Variants in MXRA5 observed in about 807,000 individuals in gnomAD.
The protein encoded by MXRA5 is matrix remodeling associated 5.
MXRA5 carries 41 observed loss-of-function variants against 112.5 expected under a neutral mutation model. The ratio of observed to expected loss-of-function variants is 0.36; its 90% CI spans 0.28 to 0.47. The LOEUF (loss-of-function observed/expected upper bound fraction) is 0.47. Ranked by LOEUF, MXRA5 falls within the 20% of genes least tolerant of loss-of-function variation. The pLI is 0.99. For missense variants in MXRA5, 2,150 were observed against 2,251.0 expected (o/e 0.96, Z 0.91); for synonymous variants, 862 against 900.8 (o/e 0.96, Z 0.77).
rs752588180 is a variant in MXRA5 at position 3,308,963 on chromosome X, A to G, written c.*753T>C. On this transcript the variant is annotated 3_prime_UTR_variant, in exon 7 of 7. Coordinates refer to ENST00000217939, the MANE Select transcript of MXRA5 (RefSeq NM_015419.4). The stretch of plus-strand genomic sequence containing the variant: ...TTGGAGAGAAATTTTTTAAAATTAT[A>G]TTTCCATGTCTGCTGTAATGTATCC... 3 of 111,613 alleles carry G rather than the reference A, an allele frequency of 2.7e-5. No homozygotes were observed. Among genetic ancestry groups the G allele is most frequent in the Non-Finnish European group, 5.6e-5 (3 of 53,179 alleles). 9.2% of individuals were successfully genotyped at this position (111,613 alleles called of 1,213,427 possible).
Position 3,310,909 on chromosome X carries a change from A to G in MXRA5, c.7294T>C (p.Trp2432Arg), listed in dbSNP as rs1308680007. 8.3e-7 allele frequency: 1 copy of G among 1,211,190 alleles called. No homozygotes were observed. Among genetic ancestry groups the G allele is most frequent in the Admixed American group, 2.2e-5 (1 of 46,015 alleles). The change falls in exon 7 of 7, where the codon TGG (tryptophan) becomes CGG (arginine). Residue 2432 changes from tryptophan (W) to arginine (R), a missense_variant. Trp to Arg is a moderately radical substitution (Grantham distance 101). This residue lies in a region of MXRA5 where 1,485 missense variants were observed against 1,471.6 expected (regional missense o/e 1.01). Transcript: ENST00000217939. Reference sequence around the variant, plus strand: ...GGTGGCTGGACGTTGACGTGAATCCACACCGTCTTCCTATCCTCTCCCGCG... The same window carrying G: ...GGTGGCTGGACGTTGACGTGAATCCGCACCGTCTTCCTATCCTCTCCCGCG... The part of the protein sequence containing the change: ...NSAGEDRKTV[W>R]IHVNVQPPKI...
intron 6 of MXRA5, 86 bp downstream of exon 6, chrX:3,317,017 G>T: frequency 1.0e-6 from 1 of 955,769 alleles, no homozygotes; most frequent in Non-Finnish European, 1.4e-6. Flanking sequence ...GGAGCAACGT[G>T]TGTGCATATT....
rs752667727 is a variant in MXRA5 at position 3,322,975 on chromosome X, C to G, written c.2710G>C (p.Asp904His). The G allele has an allele frequency of 5.8e-6, 7 of 1,209,135 alleles. No homozygotes were observed. In the East Asian group the frequency reaches 2.1e-4, roughly 36 times the overall value. The change falls in exon 5 of 7, where the codon GAC (aspartate) becomes CAC (histidine). Residue 904 changes from aspartate (D) to histidine (H), a missense_variant. Coordinates refer to ENST00000217939, the MANE Select transcript of MXRA5 (RefSeq NM_015419.4). ...GTAGGGGCTGCTGTCCCCTTCAGGT[C>G]TCCTTCAGTGGAAGTTATCTCCTCA... ...KTEEITSTEG[D>H]LKGTAAPTLI... is the part of the protein sequence containing the mutation.
At chrX:3,331,992 A>G (rs1921674504) in intron 2 of MXRA5, among the ~76,000 whole-genome samples, 1 of 112,155 alleles carries the variant, frequency 8.9e-6, no homozygotes, top group Non-Finnish European at 1.9e-5. Flanking sequence ...AACATAAGTG[A>G]ACAGCTCATA....
At position 3,311,565 on chromosome X, in the gene MXRA5, T is replaced by A. The variant is rs1317304817; in HGVS notation, c.6638A>T (p.Asp2213Val). The A allele has an allele frequency of 8.3e-7, 1 of 1,211,849 alleles. No homozygotes were observed. The highest frequency in any genetic ancestry group is 1.7e-5 in the African/African-American group (1 of 57,935). The change falls in exon 7 of 7, where the codon GAC (aspartate) becomes GTC (valine). Residue 2213 changes from aspartate (D) to valine (V), a missense_variant. This residue lies in a region of MXRA5 where 1,485 missense variants were observed against 1,471.6 expected (regional missense o/e 1.01). Transcript: ENST00000217939. ...NGTLVVKSVT[D>V]KDAGDYLCVA... ...GCACAGGTAATCTCCGGCATCTTTG[T>A]CCGTCACTGATTTCACCACCAGGGT...
chrX:3,337,444 C>T (rs1437192373), intron 2 of MXRA5, among the ~76,000 whole-genome samples: 1 of 111,649 alleles, frequency 9.0e-6, no homozygotes, highest in Admixed American at 9.6e-5. Context: ...TGCCTTAGCA[C>T]GTGCAAATTT....
chrX:3,318,301 C>G (rs1328817621), intron 5 of MXRA5, among the ~76,000 whole-genome samples: 1 of 110,876 alleles, frequency 9.0e-6, no homozygotes, highest in Admixed American at 9.6e-5. Flanking sequence ...GGCCACCACT[C>G]CTGGATAATT....
At position 3,323,978 on chromosome X, in the gene MXRA5, C is replaced by A. The variant is rs754806086; in HGVS notation, c.1707G>T (p.Arg569Ser). 8.3e-7 allele frequency: 1 copy of A among 1,205,240 alleles called. No homozygotes were observed. Among genetic ancestry groups the A allele is most frequent in the Non-Finnish European group, 1.1e-6 (1 of 891,733 alleles). The change falls in exon 5 of 7, where the codon AGG (arginine) becomes AGT (serine). Residue 569 changes from arginine to serine, a missense_variant. Arg to Ser is a moderately radical substitution (Grantham distance 110, BLOSUM62 -1). Around this residue, in one of 6 missense-constraint regions of MXRA5, gnomAD observed 1,485 missense variants for 1,471.6 expected, o/e 1.01. Coordinates refer to ENST00000217939, the MANE Select transcript of MXRA5 (RefSeq NM_015419.4). ...VRDEMDRMVYRVLVQSPSTQP... is the reference protein window; with the variant it reads ...VRDEMDRMVYSVLVQSPSTQP... ...GAGTGGAGGGAGACTGCACAAGTAC[C>A]CTATATACCATGCGGTCCATTTCAT...
At chrX:3,330,442 AG>A in intron 3 of MXRA5, 34 bp from the exon 4 acceptor site, 1 of 1,160,854 alleles carries the variant, frequency 8.6e-7, no homozygotes, top group South Asian at 2.1e-5. Context: ...ACAAAACAAA[AG>A]GATCCTGTTT....
chrX:3,309,959 C>T lies in MXRA5; in HGVS notation c.8244G>A (p.Gly2748=), dbSNP rs147073104. The T allele has an allele frequency of 1.1e-3, 1,339 of 1,209,085 alleles. 9 individuals carry two copies. The African/African-American group carries it at 0.02, about 18-fold the overall frequency. Residue 2748 remains glycine, a synonymous_variant, in exon 7 of 7, where the codon GGG becomes GGA. Transcript: ENST00000217939. ...EPTPVIYTRP[G]NTVKLNCMAM... ...CCATGCAGTTCAGTTTCACGGTGTT[C>T]CCGGGCCGGGTGTAGATGACCGGGG...
At chrX:3,330,504 G>A in intron 3 of MXRA5, 96 bp from the exon 4 acceptor site, 2 of 1,107,233 alleles carry the variant, frequency 1.8e-6, no homozygotes, top group Non-Finnish European at 2.4e-6. Flanking sequence ...AAGGGCTGGA[G>A]AGTAATGACA....
chrX:3,339,175 C>T (rs1921857562), intron 2 of MXRA5, among the ~76,000 whole-genome samples: 1 of 111,347 alleles, frequency 9.0e-6, no homozygotes, highest in Non-Finnish European at 1.9e-5. Context: ...CAGGAAGGCA[C>T]CCAAAGTCTG....
At position 3,320,235 on chromosome X, in the gene MXRA5, G is replaced by A; in HGVS notation, c.5450C>T (p.Ser1817Phe). The change falls in exon 5 of 7, where the codon TCC becomes TTC. Residue 1817 changes from serine (S) to phenylalanine (F), a missense_variant. By Grantham distance (155) the Ser-to-Phe change is radical (BLOSUM62 -2). This residue lies in a region of MXRA5 where 1,485 missense variants were observed against 1,471.6 expected (regional missense o/e 1.01). Transcript: ENST00000217939. The part of the protein sequence containing the change: ...PMVSSTQSSI[S>F]FITSSVQSSG... ...GGACTGGACAGAAGATGTTATAAAG[G>A]AGATAGAACTCTGGGTGGAAGAGAC... The A allele has an allele frequency of 2.5e-6, 3 of 1,211,059 alleles. No individual in the cohort carries two copies. The highest frequency in any genetic ancestry group is 3.0e-5 in the East Asian group (1 of 33,825).
In MXRA5 at chrX:3,324,231, A is replaced by G; in HGVS notation, c.1454T>C (p.Val485Ala). 1 of 1,211,740 alleles carries G rather than the reference A, an allele frequency of 8.3e-7. No individual in the cohort carries two copies. The highest frequency in any genetic ancestry group is 1.1e-6 in the Non-Finnish European group (1 of 895,511). The change falls in exon 5 of 7, where the codon GTG (valine) becomes GCG (alanine). Residue 485 changes from valine to alanine, a missense_variant. Val to Ala is a moderately conservative substitution (Grantham distance 64, BLOSUM62 0). Coordinates refer to ENST00000217939, the MANE Select transcript of MXRA5 (RefSeq NM_015419.4). ...TTCCAGGACAGTCTGATCTCTTTGC[A>G]CAGCTCCACTAGGCTCAATCATTAC... ...SWVMIEPSGA[V>A]QRDQTVLEGG...
In MXRA5 at chrX:3,330,275, G is replaced by T. The variant is rs368770345; in HGVS notation, c.452C>A (p.Thr151Lys). The T allele has an allele frequency of 1.6e-5, 19 of 1,208,952 alleles. No homozygotes were observed. The highest frequency in any genetic ancestry group is 2.0e-5 in the Non-Finnish European group (18 of 895,083). The change falls in exon 4 of 7, where the codon ACG becomes AAG. Residue 151 changes from threonine to lysine, a missense_variant. Transcript: ENST00000217939. ...TTCCAAATGGAGTAGCCTCAGAGAC[G>T]TTAAGCCGTTGAAAGCTTGAGGGTG... ...FIHPQAFNGLTSLRLLHLEGN... is the reference protein window; with the variant it reads ...FIHPQAFNGLKSLRLLHLEGN...
At chrX:3,312,291 A>G (rs1920999018) in intron 6 of MXRA5, among the ~76,000 whole-genome samples, 1 of 112,044 alleles carries the variant, frequency 8.9e-6, no homozygotes, top group African/African-American at 3.2e-5. Flanking sequence ...CTGGTGTGTC[A>G]TTCTTCCCCA....
chrX:3,311,398 C>T lies in MXRA5; in HGVS notation c.6805G>A (p.Gly2269Arg), dbSNP rs1327591430. ...GDLKVDCVAT[G>R]LPNPEISWSL... ...CAGGAGATCTCGGGATTGGGAAGCC[C>T]GGTGGCCACACAGTCCACTTTCAGG... Residue 2269 changes from glycine to arginine, a missense_variant, in exon 7 of 7, where the codon GGG becomes AGG. By Grantham distance (125) the Gly-to-Arg change is moderately radical (BLOSUM62 -2). Coordinates refer to ENST00000217939, the MANE Select transcript of MXRA5 (RefSeq NM_015419.4). 1.7e-6 allele frequency: 2 copies of T among 1,211,938 alleles called. No individual in the cohort carries two copies. Among genetic ancestry groups the T allele is most frequent in the Non-Finnish European group, 2.2e-6 (2 of 895,576 alleles).
intron 4 of MXRA5, among the ~76,000 whole-genome samples, chrX:3,329,551 C>G (rs775603213): frequency 2.6e-4 from 22 of 83,731 alleles, no homozygotes; most frequent in Non-Finnish European, 4.4e-4. Context: ...TGTCATAGCT[C>G]TCTAGATCAA....
chrX:3,343,816 G>T lies in MXRA5; in HGVS notation c.18C>A (p.His6Gln). The T allele has an allele frequency of 8.3e-7, 1 of 1,205,114 alleles. No individual in the cohort carries two copies. Residue 6 changes from histidine (H) to glutamine (Q), a missense_variant, in exon 2 of 7, where the codon CAC becomes CAA. His to Gln is a conservative substitution (Grantham distance 24). Transcript: ENST00000217939. The part of the protein sequence containing the change: MPKRA[H>Q]WGALSVVLIL... The stretch of plus-strand genomic sequence containing the variant: ...TCAGCACCACGGAGAGGGCCCCCCA[G>T]TGCGCGCGCTTGGGCATCTTGTCGG...
Sources: allele counts gnomAD v4.1 joint callset (sites outside exome capture counted in the v4.1 genomes callset), GRCh38; gene constraint gnomAD v4.1.1; regional missense constraint gnomAD v4.1.1; transcripts MANE v1.5; gene names NCBI Gene and HGNC (gene_info 2026-07-23, HGNC 2026-07-21).